The following TMEM108 variants were observed in gnomAD, a reference collection of about 807,000 sequenced individuals.
TMEM108 encodes the protein transmembrane protein 108.
A neutral mutation model predicts 35.1 loss-of-function variants in TMEM108; 12 were observed. That is an observed-to-expected ratio of 0.34 (90% CI 0.22 to 0.55). TMEM108 has a LOEUF of 0.55. Ranked by LOEUF, TMEM108 falls within the 20% of genes least tolerant of loss-of-function variation. The pLI is 0.89. For synonymous variants in TMEM108, 287 were observed against 308.6 expected (o/e 0.93, Z 0.73); for missense variants, 680 against 753.3 (o/e 0.90, Z 1.14).
chr3:133,197,928 C>A (rs955117102), intron 2 of TMEM108, among the ~76,000 whole-genome samples: 1 of 152,184 alleles, frequency 6.6e-6, no homozygotes, highest in African/African-American at 2.4e-5. Context: ...CTTTTGTCTA[C>A]CACTACCCCA....
intron 3 of TMEM108, among the ~76,000 whole-genome samples, chr3:133,254,758 C>G (rs1263223387): frequency 6.6e-6 from 1 of 152,086 alleles, no homozygotes; most frequent in African/African-American, 2.4e-5. Context: ...ATAAAACAAC[C>G]ATGTATTATG....
rs184306533 is a variant in TMEM108 at position 133,109,379 on chromosome 3, G to A, written c.-47+63359G>A. ...ATAGTGGCTCACGCCTGTAATCCCA[G>A]CACTCAGGGAGACAGAAGTGGGAGG... On this transcript the variant is annotated intron_variant, in intron 2 of 5. Transcript: ENST00000321871. 1.3e-3 allele frequency among the ~76,000 whole-genome samples: 204 copies of A among 152,186 alleles called. 2 individuals are homozygous for A. Among genetic ancestry groups the A allele is most frequent in the African/African-American group, 4.0e-3 (166 of 41,540 alleles).
intron 4 of TMEM108, chr3:133,388,518 T>C (rs2073187629): frequency 1.0e-6 from 1 of 985,192 alleles, no homozygotes; most frequent in Non-Finnish European, 1.2e-6. Context: ...ATCCACAATA[T>C]TTGAAAAGTT....
At chr3:133,086,123 G>C (rs556213209) in intron 2 of TMEM108, among the ~76,000 whole-genome samples, 1 of 152,166 alleles carries the variant, frequency 6.6e-6, no homozygotes, top group East Asian at 1.9e-4. Flanking sequence ...AGTGGTGAAA[G>C]GGATGGCATC....
chr3:133,255,175 A>G (rs1946528208), intron 3 of TMEM108, among the ~76,000 whole-genome samples: 1 of 152,212 alleles, frequency 6.6e-6, no homozygotes, highest in African/African-American at 2.4e-5. Flanking sequence ...GGGAAAATGT[A>G]TTTCATTTCT....
chr3:133,120,014 A>G (rs1386181505), intron 2 of TMEM108, among the ~76,000 whole-genome samples: 1 of 152,198 alleles, frequency 6.6e-6, no homozygotes, highest in African/African-American at 2.4e-5. Context: ...CTAGGGAGGA[A>G]TGTAATTAGT....
Position 133,380,828 on chromosome 3 carries a change from C to T in TMEM108, c.1117C>T (p.Gln373Ter). ...CGATACCAGTGTCTCAGCCCCTTCC[C>T]AGGGGATTCCTCAGGGAGCATCCAC... is the stretch of plus-strand genomic sequence containing the variant. The part of the protein sequence containing the change: ...AFDTSVSAPS[Q>*]GIPQGASTTP... The change falls in exon 4 of 6, where the codon CAG becomes TAG. Residue 373 changes from glutamine to a stop codon, truncating the protein, a stop_gained. Coordinates refer to ENST00000321871, the MANE Select transcript of TMEM108 (RefSeq NM_023943.4). LOFTEE classifies it high-confidence loss of function. The surrounding 1 kb of genome is among the most constrained non-coding windows in gnomAD (Gnocchi z 5.3). The T allele has an allele frequency of 6.2e-7, 1 of 1,614,160 alleles. No homozygotes were observed. Among genetic ancestry groups the T allele is most frequent in the Non-Finnish European group, 8.5e-7 (1 of 1,180,026 alleles).
In TMEM108 at chr3:133,174,137, C is replaced by T. The variant is rs147723952; in HGVS notation, c.-46-55129C>T. Among the ~76,000 whole-genome samples the T allele has an allele frequency of 7.9e-3, 1,197 of 152,346 alleles. 22 individuals carry two copies. Among genetic ancestry groups the T allele is most frequent in the East Asian group, 0.04 (205 of 5,180 alleles). The stretch of plus-strand genomic sequence containing the variant: ...GTGGCAGCGAGGCTGGGGGAGGGTG[C>T]CTGCCATTGCTGAAGCTTGAGCAGG... On this transcript the variant is annotated intron_variant, in intron 2 of 5. Transcript: ENST00000321871.
At chr3:133,349,311 A>G (rs1174528060) in intron 3 of TMEM108, among the ~76,000 whole-genome samples, 1 of 152,184 alleles carries the variant, frequency 6.6e-6, no homozygotes, top group Admixed American at 6.5e-5. Flanking sequence ...ATATAAACAC[A>G]TGTAATCAAA....
Position 133,379,963 on chromosome 3 carries a change from G to C in TMEM108, c.252G>C (p.Pro84=). 1 of 1,612,876 alleles carries C rather than the reference G, an allele frequency of 6.2e-7. No individual in the cohort carries two copies. The highest frequency in any genetic ancestry group is 2.2e-5 in the East Asian group (1 of 44,796). ...PSQAAAPMAT[P]TPRAEGHPPT... ...AGGCTGCAGCTCCCATGGCAACACCGACACCCCGTGCAGAGGGGCACCCTC... is the reference window on the plus strand; with the variant it reads ...AGGCTGCAGCTCCCATGGCAACACCCACACCCCGTGCAGAGGGGCACCCTC... Residue 84 remains proline, a synonymous_variant, in exon 4 of 6, where the codon CCG becomes CCC. Coordinates refer to ENST00000321871, the MANE Select transcript of TMEM108 (RefSeq NM_023943.4).
At chr3:133,229,384 A>G (rs752698679) in intron 3 of TMEM108, 33 bp downstream of exon 3, 26 of 1,606,026 alleles carry the variant, frequency 1.6e-5, no homozygotes, top group Non-Finnish European at 2.1e-5. Context: ...CTTTCCTAAA[A>G]TATACTAATG....
intron 3 of TMEM108, among the ~76,000 whole-genome samples, chr3:133,301,989 T>C (rs1464785967): frequency 6.6e-6 from 1 of 152,188 alleles, no homozygotes; most frequent in Non-Finnish European, 1.5e-5. Flanking sequence ...TGGATGACCC[T>C]AAGAATTTCA....
rs117948777 is a variant in TMEM108, at chr3:133,250,194, A to G, written c.40+20843A>G. ...CATGCATTATACAGTTGGCCCTTGAACAATGTGGGTCCACTTCTATGTGAA... is the reference window on the plus strand; with the variant it reads ...CATGCATTATACAGTTGGCCCTTGAGCAATGTGGGTCCACTTCTATGTGAA... On this transcript the variant is annotated intron_variant, in intron 3 of 5. Transcript: ENST00000321871. Among the ~76,000 whole-genome samples the G allele has an allele frequency of 5.9e-5, 9 of 152,266 alleles. No homozygotes were observed. The East Asian group carries it at 1.7e-3, about 29-fold the overall frequency.
chr3:133,341,724 A>C (rs946777326), intron 3 of TMEM108, among the ~76,000 whole-genome samples: 24 of 151,864 alleles, frequency 1.6e-4, no homozygotes, highest in African/African-American at 5.6e-4. Flanking sequence ...CTGGAGAAAA[A>C]TCCATGCATC....
rs1453360505 is a variant in TMEM108, at chr3:133,380,589, G to A, written c.878G>A (p.Ser293Asn). The A allele has an allele frequency of 1.2e-6, 2 of 1,613,028 alleles. No homozygotes were observed. The highest frequency in any genetic ancestry group is 1.7e-6 in the Non-Finnish European group (2 of 1,179,500). ...AAQGGGSTFTSQGGTPDATAA... is the reference protein window; with the variant it reads ...AAQGGGSTFTNQGGTPDATAA... Reference sequence around the variant, plus strand: ...CAGGGGGGTGGTTCTACCTTCACCAGCCAAGGAGGGACACCAGATGCCACA... The same window carrying A: ...CAGGGGGGTGGTTCTACCTTCACCAACCAAGGAGGGACACCAGATGCCACA... Residue 293 changes from serine to asparagine, a missense_variant, in exon 4 of 6, where the codon AGC becomes AAC. By Grantham distance (46) the Ser-to-Asn change is conservative. Coordinates refer to ENST00000321871, the MANE Select transcript of TMEM108 (RefSeq NM_023943.4). This position sits in a 1 kb window ranked among gnomAD's most constrained non-coding sequence, Gnocchi z 5.3.
At chr3:133,192,687 G>A (rs1945516489) in intron 2 of TMEM108, 2 of 152,500 alleles carry the variant, frequency 1.3e-5, no homozygotes, top group South Asian at 4.1e-4. Context: ...CCACAGGGAA[G>A]GAGAGAGGAC....
intron 2 of TMEM108, among the ~76,000 whole-genome samples, chr3:133,110,838 A>T (rs1944216012): frequency 6.6e-6 from 1 of 152,148 alleles, no homozygotes; most frequent in Admixed American, 6.6e-5. Flanking sequence ...AGAATTTCTG[A>T]TTCAGTAAGT....
In TMEM108 at chr3:133,393,952, C is replaced by T. The variant is rs142918633; in HGVS notation, c.1606-1912C>T. 5.0e-3 allele frequency among the ~76,000 whole-genome samples: 760 copies of T among 152,302 alleles called. 7 individuals are homozygous for T. Among genetic ancestry groups the T allele is most frequent in the African/African-American group, 0.018 (728 of 41,548 alleles). On this transcript the variant is annotated intron_variant, in intron 5 of 5. Transcript: ENST00000321871. ...AGTCGTGATCTTCAGACCAGGAGGG[C>T]GCCATAGGACCTGCAGCACAAAGCT...
chr3:133,095,703 A>G (rs530677781), intron 2 of TMEM108, among the ~76,000 whole-genome samples: 5 of 152,084 alleles, frequency 3.3e-5, no homozygotes, highest in Non-Finnish European at 5.9e-5. Flanking sequence ...TTGTGCTTCT[A>G]TGAGAATCTA....
Sources: allele counts gnomAD v4.1 joint callset (sites outside exome capture counted in the v4.1 genomes callset), GRCh38; gene constraint gnomAD v4.1.1; non-coding constraint Gnocchi (gnomAD v3.1); transcripts MANE v1.5; gene names NCBI Gene and HGNC (gene_info 2026-07-23, HGNC 2026-07-21).